EML5: variants seen among roughly 807,000 people sequenced by gnomAD.
EML5 encodes EMAP like 5, also known as echinoderm microtubule-associated protein-like 5.
In EML5, 120 loss-of-function variants were observed where a neutral mutation model predicts 250.0. The ratio of observed to expected loss-of-function variants is 0.48; its 90% CI spans 0.41 to 0.56. The LOEUF is 0.56. EML5 is among the 20% of genes least tolerant of loss of function. The probability of loss-of-function intolerance (pLI) is 0.00; values close to 1 mark genes in which losing one functional copy is unlikely to be tolerated. For synonymous variants in EML5, 771 were observed against 806.5 expected (o/e 0.96, Z 0.75); for missense variants, 2,006 against 2,437.6 (o/e 0.82, Z 3.73).
At chr14:88,691,620 T>C (rs2092961359) in intron 17 of EML5, among the ~76,000 whole-genome samples, 1 of 152,184 alleles carries the variant, frequency 6.6e-6, no homozygotes, top group Admixed American at 6.5e-5. Context: ...TAATAAATCA[T>C]AACTTGAAAT....
Position 88,626,873 on chromosome 14 carries a change from G to A in EML5, c.4705C>T (p.Arg1569Trp), listed in dbSNP as rs199829513. 1.3e-5 allele frequency: 21 copies of A among 1,613,748 alleles called. No homozygotes were observed. The African/African-American group carries it at 1.5e-4, about 11-fold the overall frequency. ...KGLLSTLEDA[R>W]MQTMLAIAFG... ...GCAATAGCGAGCATGGTCTGCATCC[G>A]GGCATCTTCCAGTGTGCTCAGTAGC... The change falls in exon 35 of 44, where the codon CGG (arginine) becomes TGG (tryptophan). Residue 1569 changes from arginine to tryptophan, a missense_variant. Transcript: ENST00000554922.
At chr14:88,696,129 C>A (rs2093072457) in intron 15 of EML5, among the ~76,000 whole-genome samples, 1 of 151,110 alleles carries the variant, frequency 6.6e-6, no homozygotes, top group South Asian at 2.1e-4. Flanking sequence ...GCTTGCAATT[C>A]ATTTTCTAGT....
intron 17 of EML5, among the ~76,000 whole-genome samples, chr14:88,692,953 C>G (rs1250633835): frequency 6.6e-6 from 1 of 152,066 alleles, no homozygotes; most frequent in African/African-American, 2.4e-5. Context: ...TTTCTCTGAA[C>G]AGTTTCAATT....
intron 1 of EML5, among the ~76,000 whole-genome samples, chr14:88,755,048 G>A (rs532302845): frequency 3.3e-5 from 5 of 152,036 alleles, no homozygotes; most frequent in South Asian, 4.2e-4. Context: ...CAAGTGATCC[G>A]CCTGCCTCAG....
chr14:88,764,763 T>C (rs766184639), intron 1 of EML5, among the ~76,000 whole-genome samples: 2 of 152,240 alleles, frequency 1.3e-5, no homozygotes, highest in Non-Finnish European at 2.9e-5. Context: ...AATTTTGATA[T>C]GTTGTATTTT....
chr14:88,670,765 A>G (rs1474535160), intron 21 of EML5, among the ~76,000 whole-genome samples: 1 of 152,174 alleles, frequency 6.6e-6, no homozygotes, highest in Non-Finnish European at 1.5e-5. Context: ...AGAATGTTAC[A>G]ATGCAACCAC....
chr14:88,623,617 T>C (rs1245077330), intron 36 of EML5: 1 of 151,978 alleles, frequency 6.6e-6, no homozygotes. Flanking sequence ...TTTCACCATA[T>C]TGGCCAGGCT....
chr14:88,708,344 T>G (rs996029536), intron 10 of EML5, among the ~76,000 whole-genome samples: 3 of 152,140 alleles, frequency 2.0e-5, no homozygotes, highest in African/African-American at 7.2e-5. Context: ...TGTGATTATA[T>G]TTATATAACA....
chr14:88,721,347 C>T (rs71637674), intron 8 of EML5, among the ~76,000 whole-genome samples: 26 of 152,248 alleles, frequency 1.7e-4, no homozygotes, highest in Non-Finnish European at 2.1e-4. Context: ...GGAAGCATCA[C>T]GCTACTGAAC....
chr14:88,677,404 A>C (rs1296887393), intron 21 of EML5, among the ~76,000 whole-genome samples: 1 of 152,244 alleles, frequency 6.6e-6, no homozygotes. Context: ...CAAAGATTCA[A>C]TTATGAAAAT....
chr14:88,641,576 T>C (rs1225865579), intron 31 of EML5, among the ~76,000 whole-genome samples: 1 of 152,146 alleles, frequency 6.6e-6, no homozygotes, highest in Non-Finnish European at 1.5e-5. Flanking sequence ...AAAAACCATA[T>C]GATTATCTCA....
At chr14:88,725,379 GTGTAGA>G (rs2093651539) in intron 8 of EML5, among the ~76,000 whole-genome samples, 1 of 152,170 alleles carries the variant, frequency 6.6e-6, no homozygotes, top group Admixed American at 6.5e-5. Context: ...GAGTCAGCAC[GTGTAGA>G]GGCTCAGAAG....
At chr14:88,688,883 T>C (rs903691624) in intron 17 of EML5, among the ~76,000 whole-genome samples, 4 of 152,246 alleles carry the variant, frequency 2.6e-5, no homozygotes, top group East Asian at 1.9e-4. Context: ...CACGCTTTAG[T>C]ATTGTGAATG....
intron 1 of EML5, among the ~76,000 whole-genome samples, chr14:88,781,484 T>C (rs557437664): frequency 3.9e-5 from 6 of 152,368 alleles, no homozygotes; most frequent in Admixed American, 3.9e-4. Flanking sequence ...CCACTAATTA[T>C]AATTACTAAA....
chr14:88,636,120 C>T (rs920411087), intron 32 of EML5, among the ~76,000 whole-genome samples: 2 of 152,192 alleles, frequency 1.3e-5, no homozygotes, highest in African/African-American at 4.8e-5. Context: ...CAAAGAACAG[C>T]TTGGCCACCC....
intron 20 of EML5, among the ~76,000 whole-genome samples, chr14:88,682,278 T>C (rs1013547032): frequency 2.0e-5 from 3 of 152,080 alleles, no homozygotes; most frequent in African/African-American, 7.2e-5. Flanking sequence ...CCTAAAACTT[T>C]CTCTGGGTGG....
intron 21 of EML5, among the ~76,000 whole-genome samples, chr14:88,670,262 G>A (rs560067861): frequency 6.7e-6 from 1 of 149,596 alleles, no homozygotes; most frequent in South Asian, 2.1e-4. Flanking sequence ...GGAGGTTGCA[G>A]TGGGCCAAGA....
At chr14:88,722,555 G>A (rs1321127271) in intron 8 of EML5, among the ~76,000 whole-genome samples, 1 of 152,078 alleles carries the variant, frequency 6.6e-6, no homozygotes, top group African/African-American at 2.4e-5. Flanking sequence ...ATAAGTGGGA[G>A]CTGAACAATG....
intron 4 of EML5, among the ~76,000 whole-genome samples, chr14:88,742,266 C>G (rs2093935756): frequency 6.6e-6 from 1 of 152,120 alleles, no homozygotes; most frequent in Non-Finnish European, 1.5e-5. Context: ...CACACACACA[C>G]ACGCTTTCCA....
Sources: allele counts gnomAD v4.1 joint callset (sites outside exome capture counted in the v4.1 genomes callset), GRCh38; gene constraint gnomAD v4.1.1; transcripts MANE v1.5; gene names NCBI Gene and HGNC (gene_info 2026-07-23, HGNC 2026-07-21).